ANK1: variants seen among roughly 807,000 people sequenced by gnomAD.
ANK1 encodes ankyrin 1, also known as ankyrin-1.
In ANK1, 51 loss-of-function variants were observed where a neutral mutation model predicts 210.4. That is an observed-to-expected ratio of 0.24 (90% confidence interval 0.19 to 0.31). The LOEUF is 0.31. Among genes scored for constraint, ANK1 ranks in the 10% least tolerant of loss-of-function variants. ANK1 has a pLI of 1.00. For missense variants in ANK1, 2,051 were observed against 2,504.4 expected, an observed-to-expected ratio of 0.82 and a Z score of 3.86; for synonymous variants, 967 against 1,025.9, an observed-to-expected ratio of 0.94 and a Z score of 1.10.
rs181972460 is a variant in ANK1 at position 41,791,127 on chromosome 8, G to A, written c.27+6385C>T. On this transcript the variant is annotated intron_variant, in intron 1 of 42. Coordinates refer to ENST00000289734, the MANE Select transcript of ANK1 (RefSeq NM_000037.4). ...ATCATCACCCTCCATCAATGGCTGC[G>A]CCCCTAGGTGTGGAGAAGGGCTGGA... 4.1e-4 allele frequency among the ~76,000 whole-genome samples: 62 copies of A among 150,406 alleles called. No homozygotes were observed. The East Asian group carries it at 0.011, about 26-fold the overall frequency.
In ANK1 at chr8:41,723,631, G is replaced by A. The variant is rs751571915; in HGVS notation, c.714C>T (p.Asn238=). Residue 238 remains asparagine (N), a splice_region_variant and synonymous_variant, in exon 8 of 43, where the codon AAC becomes AAT. Coordinates refer to ENST00000289734, the MANE Select transcript of ANK1 (RefSeq NM_000037.4). ...RGASVNFTPQ[N]GITPLHIASR... is the part of the protein sequence containing the mutation. ...AGGCGATGTGCAGTGGCGTGATGCC[G>A]TTCTGAAGGGAGGAAGCAGGACGGT... 3.0e-5 allele frequency: 48 copies of A among 1,612,576 alleles called. No individual in the cohort carries two copies. Among genetic ancestry groups the A allele is most frequent in the Middle Eastern group, 1.6e-4 (1 of 6,082 alleles).
At chr8:41,882,934 C>T (rs1817837408) in intron 1 of ANK1, among the ~76,000 whole-genome samples, 2 of 152,220 alleles carry the variant, frequency 1.3e-5, no homozygotes, top group Non-Finnish European at 2.9e-5. Flanking sequence ...ATTCTGCCCC[C>T]TGCATTCCCT....
intron 1 of ANK1, among the ~76,000 whole-genome samples, chr8:41,789,725 C>T (rs1459500531): frequency 3.3e-5 from 5 of 152,172 alleles, no homozygotes; most frequent in Admixed American, 1.3e-4. Flanking sequence ...CTGGGAACCT[C>T]GCTGGGAAAC....
chr8:41,858,530 G>A (rs1295221569), intron 1 of ANK1, among the ~76,000 whole-genome samples: 2 of 152,200 alleles, frequency 1.3e-5, no homozygotes, highest in Non-Finnish European at 2.9e-5. Flanking sequence ...AGAAGACAGT[G>A]ATGACCTCGG....
chr8:41,706,228 G>A lies in ANK1; in HGVS notation c.2012C>T (p.Pro671Leu), dbSNP rs1427563866. The A allele has an allele frequency of 1.9e-6, 3 of 1,614,008 alleles. No homozygotes were observed. Among genetic ancestry groups the A allele is most frequent in the East Asian group, 2.2e-5 (1 of 44,902 alleles). The change falls in exon 18 of 43, where the codon CCC becomes CTC. Residue 671 changes from proline (P) to leucine (L), a missense_variant. Coordinates refer to ENST00000289734, the MANE Select transcript of ANK1 (RefSeq NM_000037.4). ...GNLGNKSGLT[P>L]LHLVAQEGHV... ...GCCTTCTTGTGCTACCAGATGGAGG[G>A]GAGTGAGTCCGCTCTGCAAAGAAAA...
chr8:41,712,779 C>G (rs965912198), intron 16 of ANK1, among the ~76,000 whole-genome samples: 3 of 152,218 alleles, frequency 2.0e-5, no homozygotes, highest in Admixed American at 2.0e-4. Context: ...AAACAAAGCC[C>G]ATCTGTACAG....
At chr8:41,735,734 A>C (rs1833254704) in intron 2 of ANK1, among the ~76,000 whole-genome samples, 1 of 152,230 alleles carries the variant, frequency 6.6e-6, no homozygotes, top group South Asian at 2.1e-4. Flanking sequence ...TTGCTTTGCC[A>C]TAACTAGCAG....
At chr8:41,781,184 G>A (rs915469600) in intron 1 of ANK1, among the ~76,000 whole-genome samples, 5 of 152,208 alleles carry the variant, frequency 3.3e-5, no homozygotes, top group Non-Finnish European at 5.9e-5. Flanking sequence ...AAAGCCAACA[G>A]GAGGTCTTGC....
At position 41,663,100 on chromosome 8, in the gene ANK1, C is replaced by G. The variant is rs796150174; in HGVS notation, c.5478+559G>C. Among the ~76,000 whole-genome samples, 767 of 116,572 alleles carry G rather than the reference C, an allele frequency of 6.6e-3. 5 individuals carry two copies. The highest frequency in any genetic ancestry group is 0.02 in the African/African-American group (596 of 29,952). 76.5% of individuals were successfully genotyped at this position (116,572 alleles called of 152,430 possible). A position where few individuals can be genotyped will look rare whatever the true frequency, so the allele number is the denominator to read the frequency against. On this transcript the variant is annotated intron_variant, in intron 40 of 42. Transcript: ENST00000289734. ...TGGCTAATTTTGTGTGTGTGTGTGT[C>G]TCTCTCTCTCTCTCTGTGTGTGTGT...
Position 41,748,110 on chromosome 8 carries a change from C to T in ANK1, c.129+9926G>A, listed in dbSNP as rs114338548. 4.3e-3 allele frequency among the ~76,000 whole-genome samples: 660 copies of T among 152,274 alleles called. 12 individuals are homozygous for T. The highest frequency in any genetic ancestry group is 0.014 in the African/African-American group (594 of 41,550). On this transcript the variant is annotated intron_variant, in intron 2 of 42. Transcript: ENST00000289734. ...GGTGACGTCAGCATTAACGGTGTCG[C>T]AGGTACCAGGTGCCAGGCATAGGGG...
In ANK1 at chr8:41,724,473, C is replaced by T. The variant is rs201000616; in HGVS notation, c.694G>A (p.Val232Ile). 1.9e-4 allele frequency: 301 copies of T among 1,588,444 alleles called. No homozygotes were observed. Among genetic ancestry groups the T allele is most frequent in the East Asian group, 1.4e-3 (60 of 43,940 alleles). ...AQLLLNRGAS[V>I]NFTPQNGITP... is the part of the protein sequence containing the mutation. ...AGGGTTACCTGTGGTGTGAAATTGA[C>T]GCTGGCTCCTCTGTTGAGGAGCAAC... is the stretch of plus-strand genomic sequence containing the variant. Residue 232 changes from valine to isoleucine, a missense_variant, in exon 7 of 43, where the codon GTC (valine) becomes ATC (isoleucine). Physicochemically the swap from Val to Ile is conservative, Grantham distance 29 (BLOSUM62 3). Around this residue, in one of 6 missense-constraint regions of ANK1, gnomAD observed 1,413 missense variants for 1,707.4 expected, o/e 0.83. Transcript: ENST00000289734.
chr8:41,825,851 C>T (rs942950840), intron 1 of ANK1, among the ~76,000 whole-genome samples: 2 of 152,172 alleles, frequency 1.3e-5, no homozygotes, highest in African/African-American at 4.8e-5. Flanking sequence ...TGTTCTCTTG[C>T]CTGCCGCCAT....
chr8:41,678,180 C>T (rs1339938561), intron 37 of ANK1, among the ~76,000 whole-genome samples: 1 of 151,706 alleles, frequency 6.6e-6, no homozygotes, highest in Non-Finnish European at 1.5e-5. Context: ...ACTCTGTCAC[C>T]CAGACTGGAA....
upstream of ANK1, among the ~76,000 whole-genome samples, chr8:41,802,128 T>C (rs995956324): frequency 6.6e-6 from 1 of 152,220 alleles, no homozygotes; most frequent in African/African-American, 2.4e-5. Flanking sequence ...TAGCTGGGAC[T>C]ACAGGCACTC....
chr8:41,776,243 A>G (rs1009589430), intron 1 of ANK1, among the ~76,000 whole-genome samples: 4 of 152,192 alleles, frequency 2.6e-5, no homozygotes, highest in African/African-American at 9.7e-5. Flanking sequence ...GGCATCTTTA[A>G]TAATGTGGCC....
intron 2 of ANK1, among the ~76,000 whole-genome samples, chr8:41,753,702 C>T (rs975226582): frequency 4.6e-5 from 7 of 152,052 alleles, no homozygotes; most frequent in African/African-American, 1.7e-4. Flanking sequence ...CGCCCTCCCA[C>T]ACCCATAGTT....
At chr8:41,750,320 C>T (rs879557082) in intron 2 of ANK1, among the ~76,000 whole-genome samples, 1 of 152,162 alleles carries the variant, frequency 6.6e-6, no homozygotes, top group Middle Eastern at 3.2e-3. Context: ...CACTGGAAAT[C>T]GTGTATGCTT....
In ANK1 at chr8:41,713,872, C is replaced by T. The variant is rs540049873; in HGVS notation, c.1800+284G>A. Among the ~76,000 whole-genome samples the T allele has an allele frequency of 1.5e-4, 23 of 152,308 alleles. No individual in the cohort carries two copies. In the South Asian group the frequency reaches 4.6e-3, roughly 30 times the overall value. ...CAGTCAGTTTACAAAACCCAGCTGA[C>T]GTGCAACTGCTTGGGGACACATTTG... On this transcript the variant is annotated intron_variant, in intron 16 of 42. Coordinates refer to ENST00000289734, the MANE Select transcript of ANK1 (RefSeq NM_000037.4).
In ANK1 at chr8:41,715,743, T is replaced by C; in HGVS notation, c.1511A>G (p.His504Arg). 6.2e-7 allele frequency: 1 copy of C among 1,614,036 alleles called. No individual in the cohort carries two copies. The highest frequency in any genetic ancestry group is 1.3e-5 in the African/African-American group (1 of 74,976). The change falls in exon 14 of 43, where the codon CAC becomes CGC. Residue 504 changes from histidine to arginine, a missense_variant. Physicochemically the swap from His to Arg is conservative, Grantham distance 29. Transcript: ENST00000289734. ...ACGGGCTGCAATGTGCAGGGGGGTG[T>C]GCCCGGCGGTGGTGGCCAGGTTGGG... ...ANPNLATTAG[H>R]TPLHIAAREG...
Sources: allele counts gnomAD v4.1 joint callset (sites outside exome capture counted in the v4.1 genomes callset), GRCh38; gene constraint gnomAD v4.1.1; regional missense constraint gnomAD v4.1.1; transcripts MANE v1.5; gene names NCBI Gene and HGNC (gene_info 2026-07-23, HGNC 2026-07-21).